Variants in TBC1D22A observed in about 807,000 individuals in gnomAD.
TBC1D22A encodes TBC1 domain family member 22A, also known as putative GTPase activator.
In TBC1D22A, 38 loss-of-function variants were observed where a neutral mutation model predicts 60.2. That is an observed-to-expected ratio of 0.63 (90% confidence interval 0.49 to 0.83). The LOEUF (loss-of-function observed/expected upper bound fraction) is 0.83, where lower values mean the gene tolerates loss of function less well. TBC1D22A is among the 40% of genes least tolerant of loss of function. The probability of loss-of-function intolerance (pLI) is 0.00; values close to 1 mark genes in which losing one functional copy is unlikely to be tolerated. For synonymous variants in TBC1D22A, 302 were observed against 281.7 expected, an observed-to-expected ratio of 1.07 and a Z score of -0.72; for missense variants, 628 against 701.0, an observed-to-expected ratio of 0.90 and a Z score of 1.18.
At chr22:46,942,582 G>A (rs1190858049) in intron 8 of TBC1D22A, among the ~76,000 whole-genome samples, 1 of 152,170 alleles carries the variant, frequency 6.6e-6, no homozygotes, top group Non-Finnish European at 1.5e-5. Context: ...AAGTGCCTGC[G>A]AATCCCTTCT....
chr22:47,013,135 A>G (rs185538617), intron 10 of TBC1D22A, among the ~76,000 whole-genome samples: 1 of 152,330 alleles, frequency 6.6e-6, no homozygotes, highest in Non-Finnish European at 1.5e-5. Context: ...CATCTGTCCC[A>G]GTCGCTTCCT....
intron 11 of TBC1D22A, among the ~76,000 whole-genome samples, chr22:47,092,228 C>T (rs759099691): frequency 1.3e-5 from 2 of 152,078 alleles, no homozygotes; most frequent in South Asian, 2.1e-4. Flanking sequence ...TGTGGGGAAG[C>T]GAGTACCTAG....
intron 12 of TBC1D22A, among the ~76,000 whole-genome samples, chr22:47,127,656 T>A (rs1041716452): frequency 1.3e-5 from 2 of 152,106 alleles, no homozygotes; most frequent in African/African-American, 4.8e-5. Flanking sequence ...GCCCCGTTCC[T>A]GTGTGGAGAG....
At chr22:47,151,109 C>A (rs1250221653) in intron 12 of TBC1D22A, among the ~76,000 whole-genome samples, 1 of 152,156 alleles carries the variant, frequency 6.6e-6, no homozygotes, top group Non-Finnish European at 1.5e-5. Flanking sequence ...CAACCCGCTC[C>A]GCTTAAAGGA....
chr22:46,956,600 C>T (rs909560780), intron 8 of TBC1D22A, among the ~76,000 whole-genome samples: 1 of 152,118 alleles, frequency 6.6e-6, no homozygotes, highest in Non-Finnish European at 1.5e-5. Flanking sequence ...GAGTTGAAGG[C>T]GTTGTGCTGG....
intron 4 of TBC1D22A, among the ~76,000 whole-genome samples, chr22:46,840,622 A>G (rs1445523936): frequency 2.6e-5 from 4 of 152,132 alleles, no homozygotes; most frequent in Non-Finnish European, 5.9e-5. Flanking sequence ...AGTCCCAGCT[A>G]CTTGGGAGGC....
chr22:46,838,767 A>G (rs981779515), intron 4 of TBC1D22A, among the ~76,000 whole-genome samples: 2 of 152,256 alleles, frequency 1.3e-5, no homozygotes, highest in South Asian at 4.1e-4. Flanking sequence ...CACACAAGTC[A>G]ATAAATATGT....
intron 12 of TBC1D22A, among the ~76,000 whole-genome samples, chr22:47,145,317 G>A (rs368639702): frequency 2.6e-5 from 4 of 152,308 alleles, no homozygotes; most frequent in South Asian, 2.1e-4. Flanking sequence ...GTAGTGACCC[G>A]TCTGGCTGGT....
chr22:47,038,540 C>T (rs1309991243), intron 11 of TBC1D22A, among the ~76,000 whole-genome samples: 11 of 152,240 alleles, frequency 7.2e-5, no homozygotes, highest in Admixed American at 7.2e-4. Flanking sequence ...TCCCACAGGA[C>T]AGGGTGCCTG....
chr22:46,770,748 C>T (rs1273820165), intron 1 of TBC1D22A, among the ~76,000 whole-genome samples: 3 of 152,160 alleles, frequency 2.0e-5, no homozygotes, highest in African/African-American at 7.3e-5. Flanking sequence ...CTGCTTCTGG[C>T]CGCCTTGCTT....
intron 10 of TBC1D22A, among the ~76,000 whole-genome samples, chr22:47,023,808 C>A (rs531993989): frequency 6.6e-6 from 1 of 152,108 alleles, no homozygotes; most frequent in African/African-American, 2.4e-5. Flanking sequence ...GAATTCGACA[C>A]CAGGAGACCG....
intron 4 of TBC1D22A, among the ~76,000 whole-genome samples, chr22:46,843,097 G>A (rs898513325): frequency 2.6e-5 from 4 of 152,142 alleles, no homozygotes; most frequent in Non-Finnish European, 4.4e-5. Flanking sequence ...TGGGTGGCCG[G>A]ATTTCAGGGC....
At position 46,846,504 on chromosome 22, in the gene TBC1D22A, G is replaced by T. The variant is rs573247551; in HGVS notation, c.638-32149G>T. ...AGGCTCTGCTCCTCGGGAAATGGAC[G>T]GAGTTTTCCCCAATGGGAATATCAT... On this transcript the variant is annotated intron_variant, in intron 4 of 12. Coordinates refer to ENST00000337137, the MANE Select transcript of TBC1D22A (RefSeq NM_014346.5). Among the ~76,000 whole-genome samples, 4 of 152,294 alleles carry T rather than the reference G, an allele frequency of 2.6e-5. No individual in the cohort carries two copies. The South Asian group carries it at 8.3e-4, about 32-fold the overall frequency.
chr22:46,933,236 A>C (rs1356240978), intron 8 of TBC1D22A, among the ~76,000 whole-genome samples: 1 of 152,168 alleles, frequency 6.6e-6, no homozygotes, highest in Non-Finnish European at 1.5e-5. Context: ...TCTCCAAATA[A>C]ACAAAAGTTA....
intron 11 of TBC1D22A, among the ~76,000 whole-genome samples, chr22:47,039,730 A>G (rs968264166): frequency 2.8e-5 from 4 of 143,718 alleles, no homozygotes; most frequent in African/African-American, 1.0e-4. Context: ...AAAAAAAAGA[A>G]ATACCTGGGC....
intron 1 of TBC1D22A, chr22:46,763,412 T>G (rs1290890413): frequency 7.7e-6 from 1 of 129,292 alleles, no homozygotes; most frequent in African/African-American, 3.1e-5. Flanking sequence ...TTTTTTTTTT[T>G]TTTTTTTTTT....
intron 4 of TBC1D22A, among the ~76,000 whole-genome samples, chr22:46,844,523 C>T (rs775579193): frequency 6.6e-6 from 1 of 152,108 alleles, no homozygotes; most frequent in African/African-American, 2.4e-5. Flanking sequence ...GTCAGCTTGA[C>T]GTGGTGGGAC....
At chr22:46,968,946 C>T (rs999274835) in intron 8 of TBC1D22A, among the ~76,000 whole-genome samples, 2 of 152,182 alleles carry the variant, frequency 1.3e-5, no homozygotes, top group Non-Finnish European at 2.9e-5. Flanking sequence ...TCTGTCCACT[C>T]GTCCATCTCT....
chr22:46,903,988 G>A (rs185488000), intron 7 of TBC1D22A, among the ~76,000 whole-genome samples: 41 of 152,120 alleles, frequency 2.7e-4, no homozygotes, highest in African/African-American at 9.9e-4. Flanking sequence ...CCCTTTAAGT[G>A]TCACCCTGTA....
Sources: gnomAD v4.1 joint callset for allele counts (sites outside exome capture counted in the v4.1 genomes callset) on GRCh38, gnomAD v4.1.1 for gene constraint, MANE v1.5 for transcripts, NCBI Gene and HGNC (gene_info 2026-07-23, HGNC 2026-07-21) for gene names.